The following LINC00305 variants were observed in gnomAD, a reference collection of about 807,000 sequenced individuals.
The protein encoded by LINC00305 is long independently transcribed non-coding RNA 305.
chr18:64,114,358 G>T (rs1370435745), intron 1 of LINC00305, among the ~76,000 whole-genome samples: 4 of 152,258 alleles, frequency 2.6e-5, no homozygotes, highest in African/African-American at 2.4e-5. Context: ...GAGGAGACGG[G>T]TGCCTCAATT....
At chr18:64,090,791 T>C (rs2051222024) in intron 3 of LINC00305, among the ~76,000 whole-genome samples, 1 of 152,230 alleles carries the variant, frequency 6.6e-6, no homozygotes, top group South Asian at 2.1e-4. Context: ...ATCTTTATAT[T>C]GTACAATGCC....
intron 1 of LINC00305, among the ~76,000 whole-genome samples, chr18:64,129,513 T>C (rs887200810): frequency 6.6e-6 from 1 of 152,124 alleles, no homozygotes; most frequent in Non-Finnish European, 1.5e-5. Context: ...ACTTCCATAC[T>C]TTTGCTGTTA....
intron 1 of LINC00305, among the ~76,000 whole-genome samples, chr18:64,146,182 G>A (rs2051497161): frequency 6.6e-6 from 1 of 152,064 alleles, no homozygotes; most frequent in Admixed American, 6.5e-5. Flanking sequence ...GTTATGGTTG[G>A]TGCCTGGATT....
intron 3 of LINC00305, among the ~76,000 whole-genome samples, chr18:64,094,694 C>G (rs923180080): frequency 1.4e-4 from 21 of 152,162 alleles, no homozygotes; most frequent in African/African-American, 4.8e-4. Context: ...AAAACCCCAT[C>G]TCTACTAAAA....
intron 1 of LINC00305, among the ~76,000 whole-genome samples, chr18:64,134,686 C>T (rs55679710): frequency 0.07 from 10,733 of 152,248 alleles, 569 homozygotes; most frequent in Non-Finnish European, 0.11. Context: ...CATTTTCTTT[C>T]TCACAATTTA....
chr18:64,084,090 C>T (rs2051194532), intron 3 of LINC00305, among the ~76,000 whole-genome samples: 1 of 152,194 alleles, frequency 6.6e-6, no homozygotes, highest in African/African-American at 2.4e-5. Context: ...GTCTTGTGTT[C>T]TCACACCTTG....
intron 1 of LINC00305, among the ~76,000 whole-genome samples, chr18:64,109,913 A>G (rs1216982467): frequency 6.6e-6 from 1 of 152,212 alleles, no homozygotes; most frequent in Admixed American, 6.5e-5. Context: ...GGCCCAGGAT[A>G]GCTTTGAATG....
At chr18:64,145,090 T>C (rs1230900178) in intron 1 of LINC00305, among the ~76,000 whole-genome samples, 1 of 152,210 alleles carries the variant, frequency 6.6e-6, no homozygotes, top group Admixed American at 6.5e-5. Context: ...CTTCACGTCC[T>C]GTTTCCATGG....
At chr18:64,102,695 A>G (rs768582502) in intron 1 of LINC00305, among the ~76,000 whole-genome samples, 24 of 152,286 alleles carry the variant, frequency 1.6e-4, no homozygotes, top group Non-Finnish European at 3.1e-4. Context: ...GGGAGACCTC[A>G]GGAAACTTAG....
intron 1 of LINC00305, among the ~76,000 whole-genome samples, chr18:64,107,541 C>T (rs1017036527): frequency 6.6e-6 from 1 of 152,192 alleles, no homozygotes; most frequent in African/African-American, 2.4e-5. Context: ...TGGCTTTTGC[C>T]TACTGCATTT....
intron 1 of LINC00305, among the ~76,000 whole-genome samples, chr18:64,136,267 G>A (rs2051433453): frequency 6.6e-6 from 1 of 152,148 alleles, no homozygotes; most frequent in African/African-American, 2.4e-5. Flanking sequence ...TTCCACACTG[G>A]AAAAATCTTG....
exon 4 of LINC00305, chr18:64,080,210 G>A (rs568438203): frequency 6.5e-4 from 195 of 299,806 alleles, no homozygotes; most frequent in African/African-American, 2.4e-3. Flanking sequence ...AGTCCCTGCC[G>A]TTTATCCAAA....
At position 64,124,163 on chromosome 18, in the gene LINC00305, T is replaced by C. The variant is rs115055722; in HGVS notation, n.314+24612A>G. 6.9e-3 allele frequency among the ~76,000 whole-genome samples: 1,057 copies of C among 152,250 alleles called. 8 individuals are homozygous for C. The highest frequency in any genetic ancestry group is 0.025 in the African/African-American group (1,024 of 41,548). ...AGATATTCCCCTTGCTCCTCACTTATCCACACACCTCAGATTAGTCTTGTA... is the reference window on the plus strand; with the variant it reads ...AGATATTCCCCTTGCTCCTCACTTACCCACACACCTCAGATTAGTCTTGTA... On this transcript the variant is annotated intron_variant and non_coding_transcript_variant, in intron 1 of 3. Coordinates refer to ENST00000666468, the Ensembl canonical transcript of LINC00305.
At chr18:64,142,620 A>G (rs915900359) in intron 1 of LINC00305, among the ~76,000 whole-genome samples, 1 of 152,144 alleles carries the variant, frequency 6.6e-6, no homozygotes, top group African/African-American at 2.4e-5. Flanking sequence ...GCCCTCATGG[A>G]GCATGATACA....
At chr18:64,098,401 C>T (rs968601613) in intron 2 of LINC00305, among the ~76,000 whole-genome samples, 3 of 152,040 alleles carry the variant, frequency 2.0e-5, no homozygotes, top group African/African-American at 7.2e-5. Flanking sequence ...CACACCAGTT[C>T]CACATTCAAT....
At chr18:64,135,216 AG>A (rs957613335) in intron 1 of LINC00305, among the ~76,000 whole-genome samples, 1 of 152,250 alleles carries the variant, frequency 6.6e-6, no homozygotes, top group African/African-American at 2.4e-5. Flanking sequence ...ATATTAGATT[AG>A]GGCCCACCCT....
At chr18:64,083,518 A>G (rs1432776532) in intron 3 of LINC00305, among the ~76,000 whole-genome samples, 1 of 152,238 alleles carries the variant, frequency 6.6e-6, no homozygotes, top group African/African-American at 2.4e-5. Flanking sequence ...CAGCCAAGAG[A>G]AAAAGTATGT....
At chr18:64,145,928 A>G (rs1314558286) in intron 1 of LINC00305, among the ~76,000 whole-genome samples, 2 of 152,180 alleles carry the variant, frequency 1.3e-5, no homozygotes, top group Non-Finnish European at 2.9e-5. Context: ...GAAAATCATT[A>G]ATTTTTGGAC....
intron 1 of LINC00305, among the ~76,000 whole-genome samples, chr18:64,110,649 G>A (rs1435388139): frequency 6.6e-6 from 1 of 152,122 alleles, no homozygotes; most frequent in Non-Finnish European, 1.5e-5. Flanking sequence ...GCCTTGTCTG[G>A]ATATTTACCT....
Sources: gnomAD v4.1 joint callset for allele counts (sites outside exome capture counted in the v4.1 genomes callset) on GRCh38, gnomAD v4.1.1 for gene constraint, MANE v1.5 for transcripts, NCBI Gene and HGNC (gene_info 2026-07-23, HGNC 2026-07-21) for gene names.